Variants in ZNF547 observed in about 807,000 individuals in gnomAD.
The protein encoded by ZNF547 is zinc finger protein 547.
In ZNF547, 4 loss-of-function variants were observed where a neutral mutation model predicts 7.7. The observed-to-expected ratio is 0.52, with a 90% CI of 0.26 to 1.20. ZNF547 has a LOEUF of 1.20. Ranked by LOEUF, ZNF547 falls within the 50% of genes most tolerant of loss-of-function variation. ZNF547 has a pLI of 0.14. For synonymous variants in ZNF547, 166 were observed against 166.2 expected (o/e 1.00, Z 0.01); for missense variants, 449 against 485.8 (o/e 0.92, Z 0.71).
In ZNF547 at chr19:57,377,136, C is replaced by T. The variant is rs1403325902; in HGVS notation, c.160C>T (p.His54Tyr). ...LALLSSLGCC[H>Y]GAEDEEAPLE... ...CATTTTTATTCTTACAGGTTGTTGC[C>T]ATGGAGCTGAGGATGAGGAGGCACC... The change falls in exon 4 of 4, where the codon CAT becomes TAT. Residue 54 changes from histidine to tyrosine, a missense_variant. His to Tyr is a moderately conservative substitution (Grantham distance 83). Transcript: ENST00000282282. 6.2e-7 allele frequency: 1 copy of T among 1,611,998 alleles called. No homozygotes were observed. Among genetic ancestry groups the T allele is most frequent in the East Asian group, 2.2e-5 (1 of 44,800 alleles).
chr19:57,369,744 C>T (rs2088492213), intron 2 of ZNF547, among the ~76,000 whole-genome samples: 2 of 151,712 alleles, frequency 1.3e-5, no homozygotes, highest in African/African-American at 4.8e-5. Context: ...GATGGGGTTG[C>T]TGAGGAGGGT....
In ZNF547 at chr19:57,378,276, A is replaced by T; in HGVS notation, c.*91A>T. 8.3e-7 allele frequency: 1 copy of T among 1,201,678 alleles called. No individual in the cohort carries two copies. Among genetic ancestry groups the T allele is most frequent in the African/African-American group, 1.5e-5 (1 of 66,426 alleles). 74.4% of individuals were successfully genotyped at this position (1,201,678 alleles called of 1,614,324 possible). On this transcript the variant is annotated 3_prime_UTR_variant, in exon 4 of 4. Coordinates refer to ENST00000282282, the MANE Select transcript of ZNF547 (RefSeq NM_173631.4). ...GGCAGTACACACTGGAGAAAGACTG[A>T]ATGCCGTGAACGTGGGTAATTATGT...
chr19:57,365,285 C>T, intron 1 of ZNF547: 1 of 1,410,588 alleles, frequency 7.1e-7, no homozygotes, highest in Non-Finnish European at 9.8e-7. Flanking sequence ...TAAATTATAT[C>T]ACCACAATGG....
rs758633273 is a variant in ZNF547, at chr19:57,378,551, C to T, written c.*366C>T. ...ACAGCAAATGTGTGACATTATTTTG[C>T]TACTACTCCACACTACTTAGACATC... On this transcript the variant is annotated 3_prime_UTR_variant, in exon 4 of 4. Coordinates refer to ENST00000282282, the MANE Select transcript of ZNF547 (RefSeq NM_173631.4). The T allele has an allele frequency of 4.4e-5, 18 of 411,292 alleles. No individual in the cohort carries two copies. The highest frequency in any genetic ancestry group is 3.6e-4 in the Middle Eastern group (1 of 2,816). 25.5% of individuals were successfully genotyped at this position (411,292 alleles called of 1,614,324 possible).
intron 2 of ZNF547, among the ~76,000 whole-genome samples, chr19:57,370,043 C>T (rs1022526815): frequency 6.6e-6 from 1 of 151,568 alleles, no homozygotes; most frequent in African/African-American, 2.4e-5. Context: ...CAGACTCACC[C>T]CACTACGCCC....
At chr19:57,368,164 A>C (rs1219979801) in intron 1 of ZNF547, 1 of 168,424 alleles carries the variant, frequency 5.9e-6, no homozygotes, top group Non-Finnish European at 1.3e-5. Flanking sequence ...AAATTTTAAA[A>C]GCTAAAAATA....
In ZNF547 at chr19:57,374,521, G is replaced by A. The variant is rs865931427; in HGVS notation, c.152-2607G>A. On this transcript the variant is annotated intron_variant, in intron 3 of 3. Coordinates refer to ENST00000282282, the MANE Select transcript of ZNF547 (RefSeq NM_173631.4). ...CTTCGTGGTTAACATTCCACTCCTC[G>A]TTACTTATGCAAATTTCTGCAGCAG... Among the ~76,000 whole-genome samples the A allele has an allele frequency of 3.9e-5, 6 of 152,344 alleles. No homozygotes were observed. The East Asian group carries it at 5.8e-4, about 15-fold the overall frequency.
Position 57,378,468 on chromosome 19 carries a change from A to G in ZNF547, c.*283A>G, listed in dbSNP as rs750401889. On this transcript the variant is annotated 3_prime_UTR_variant, in exon 4 of 4. Coordinates refer to ENST00000282282, the MANE Select transcript of ZNF547 (RefSeq NM_173631.4). ...AAGTAGAAAGTGGTAAAGATTCAAC[A>G]TGCAAGATTGTACTTATTGGGCTTC... The G allele has an allele frequency of 4.2e-5, 25 of 589,668 alleles. No individual in the cohort carries two copies. The highest frequency in any genetic ancestry group is 7.3e-5 in the African/African-American group (4 of 55,108). The allele number at this position is 589,668 out of a possible 1,614,324, so 36.5% of individuals were successfully genotyped here.
intron 3 of ZNF547, 84 bp from the exon 4 acceptor site, chr19:57,377,044 G>A: frequency 7.4e-7 from 1 of 1,348,116 alleles, no homozygotes; most frequent in Non-Finnish European, 1.0e-6. Context: ...TCATTTTCAT[G>A]GGGTGTCTGA....
At position 57,378,089 on chromosome 19, in the gene ZNF547, G is replaced by A; in HGVS notation, c.1113G>A (p.Gln371=). 6.2e-7 allele frequency: 1 copy of A among 1,613,972 alleles called. No homozygotes were observed. Among genetic ancestry groups the A allele is most frequent in the East Asian group, 2.2e-5 (1 of 44,854 alleles). Residue 371 remains glutamine (Q), a synonymous_variant, in exon 4 of 4, where the codon CAG becomes CAA. Coordinates refer to ENST00000282282, the MANE Select transcript of ZNF547 (RefSeq NM_173631.4). ...FLTKSHLICH[Q]TVHTAAKQCS... ...CAAAGTCCCACCTCATTTGTCATCAGACAGTTCACACTGCAGCAAAGCAGT... is the reference window on the plus strand; with the variant it reads ...CAAAGTCCCACCTCATTTGTCATCAAACAGTTCACACTGCAGCAAAGCAGT...
intron 2 of ZNF547, among the ~76,000 whole-genome samples, chr19:57,369,096 G>A (rs765084668): frequency 2.6e-5 from 4 of 152,132 alleles, no homozygotes; most frequent in African/African-American, 4.8e-5. Context: ...CCTAGCTTAA[G>A]GAACTTTCTT....
At chr19:57,366,883 C>G (rs1270084275) in intron 1 of ZNF547, among the ~76,000 whole-genome samples, 1 of 152,214 alleles carries the variant, frequency 6.6e-6, no homozygotes, top group Non-Finnish European at 1.5e-5. Context: ...TAGCACTACT[C>G]AAGAAGCCAA....
chr19:57,371,465 GCAGGGCTGGCTGT>G (rs1436482864), intron 2 of ZNF547, among the ~76,000 whole-genome samples: 1 of 152,204 alleles, frequency 6.6e-6, no homozygotes, highest in African/African-American at 2.4e-5. Flanking sequence ...GGGAAACAAG[GCAGGGCTGGCTGT>G]CAGGATAGTT....
At chr19:57,364,765 T>C in intron 1 of ZNF547, 1 of 1,341,018 alleles carries the variant, frequency 7.5e-7, no homozygotes, top group Non-Finnish European at 1.0e-6. Flanking sequence ...AGCGCGGGTC[T>C]CTTCCGCGGA....
At position 57,377,951 on chromosome 19, in the gene ZNF547, G is replaced by A. The variant is rs1320124139; in HGVS notation, c.975G>A (p.Glu325=). 1.9e-6 allele frequency: 3 copies of A among 1,613,888 alleles called. No individual in the cohort carries two copies. Among genetic ancestry groups the A allele is most frequent in the African/African-American group, 1.3e-5 (1 of 74,874 alleles). ...TTCACACTGGAGAAAGGCCTTATGA[G>A]TGCAATGAATGTGGGAAATTCTTCA... ...QRVHTGERPY[E]CNECGKFFSL... Residue 325 remains glutamate, a synonymous_variant, in exon 4 of 4, where the codon GAG becomes GAA. Coordinates refer to ENST00000282282, the MANE Select transcript of ZNF547 (RefSeq NM_173631.4).
chr19:57,367,999 A>G (rs1182528489), intron 1 of ZNF547: 2 of 152,622 alleles, frequency 1.3e-5, no homozygotes, highest in Non-Finnish European at 2.9e-5. Context: ...ACTTATTGGT[A>G]TAAGCACTAA....
In ZNF547 at chr19:57,378,780, G is replaced by C. The variant is rs777959865; in HGVS notation, c.*595G>C. The C allele has an allele frequency of 2.2e-6, 1 of 449,020 alleles. No homozygotes were observed. The highest frequency in any genetic ancestry group is 4.4e-6 in the Non-Finnish European group (1 of 226,030). The allele number at this position is 449,020 out of a possible 1,614,324, so 27.8% of individuals were successfully genotyped here. A position where few individuals can be genotyped will look rare whatever the true frequency, so the allele number is the denominator to read the frequency against. ...ATACTTGAAGTACATTAACATTGTT[G>C]AGCAAAGAATATCCTGAACTCTTTA... is the stretch of plus-strand genomic sequence containing the variant. On this transcript the variant is annotated 3_prime_UTR_variant, in exon 4 of 4. Coordinates refer to ENST00000282282, the MANE Select transcript of ZNF547 (RefSeq NM_173631.4).
chr19:57,367,073 C>G (rs1017774383), intron 1 of ZNF547, among the ~76,000 whole-genome samples: 15 of 152,132 alleles, frequency 9.9e-5, no homozygotes, highest in South Asian at 2.1e-4. Flanking sequence ...TCCTTTCCCT[C>G]AGACAATCAA....
intron 3 of ZNF547, among the ~76,000 whole-genome samples, chr19:57,373,415 A>G (rs2088518245): frequency 6.6e-6 from 1 of 151,884 alleles, no homozygotes; most frequent in Admixed American, 6.6e-5. Flanking sequence ...AGAGAGCCTA[A>G]CCATATTATT....
Sources: gnomAD v4.1 joint callset for allele counts (sites outside exome capture counted in the v4.1 genomes callset) on GRCh38, gnomAD v4.1.1 for gene constraint, MANE v1.5 for transcripts, NCBI Gene and HGNC (gene_info 2026-07-23, HGNC 2026-07-21) for gene names.